The following NR1H4 variants were observed in gnomAD, a reference collection of about 807,000 sequenced individuals.
NR1H4 encodes the protein bile acid receptor.
A neutral mutation model predicts 58.5 loss-of-function variants in NR1H4; 23 were observed. That is an observed-to-expected ratio of 0.39 (90% CI 0.28 to 0.56). The LOEUF (loss-of-function observed/expected upper bound fraction) is 0.56. NR1H4 is among the 20% of genes least tolerant of loss of function. The pLI, the probability that NR1H4 is intolerant of heterozygous loss-of-function variation, is 0.58. For synonymous variants in NR1H4, 214 were observed against 198.0 expected (o/e 1.08, Z -0.68); for missense variants, 487 against 576.9 (o/e 0.84, Z 1.60).
In NR1H4 at chr12:100,510,914, C is replaced by T. The variant is rs1463883415; in HGVS notation, c.216C>T (p.Phe72=). The change falls in exon 4 of 11, where the codon TTC becomes TTT. Residue 72 remains phenylalanine (F), a synonymous_variant. Transcript: ENST00000392986. ...CATCCTATTATTCCAACCTGGGTTT[C>T]TACCCCCAGCAGCCTGAAGAGTGGT... ...SSSSYYSNLG[F]YPQQPEEWYS... 6.2e-7 allele frequency: 1 copy of T among 1,614,086 alleles called. No individual in the cohort carries two copies. Among genetic ancestry groups the T allele is most frequent in the African/African-American group, 1.3e-5 (1 of 74,924 alleles).
In NR1H4 at chr12:100,493,144, A is replaced by G. The variant is rs1953639220; in HGVS notation, c.-54-126A>G. 1.2e-5 allele frequency: 7 copies of G among 606,550 alleles called. No homozygotes were observed. In the South Asian group the frequency reaches 1.4e-4, roughly 12 times the overall value. 37.6% of individuals were successfully genotyped at this position (606,550 alleles called of 1,614,324 possible). On this transcript the variant is annotated intron_variant, in intron 2 of 10. Transcript: ENST00000392986. ...GAGAAAAGATACATACAGAAAGGCT[A>G]TAGTAAAATGCATTCAAAGGGAGCC...
Position 100,495,232 on chromosome 12 carries a change from AAGCTGCATG to A in NR1H4, c.79+1838_79+1846del, listed in dbSNP as rs541461221. Among the ~76,000 whole-genome samples the A allele has an allele frequency of 5.3e-5, 8 of 152,312 alleles. No homozygotes were observed. In the South Asian group the frequency reaches 8.3e-4, roughly 16 times the overall value. On this transcript the variant is annotated intron_variant, in intron 3 of 10. Transcript: ENST00000392986. ...TAAGGTTTCTGAGAATATATAGCAC[AAGCTGCATG>A]AGCTGCAATGCAGAGCTGTAATTCT...
intron 4 of NR1H4, among the ~76,000 whole-genome samples, chr12:100,525,633 G>T (rs941770351): frequency 6.6e-6 from 1 of 152,088 alleles, no homozygotes; most frequent in Non-Finnish European, 1.5e-5. Context: ...TTGGTATTAG[G>T]GTAATGCTGG....
At chr12:100,561,781 A>C (rs1593144562) in intron 9 of NR1H4, 104 bp from the exon 10 acceptor site, 1 of 686,852 alleles carries the variant, frequency 1.5e-6, no homozygotes, top group African/African-American at 1.8e-5. Flanking sequence ...GAATGTGTGC[A>C]TATAGTTGCA....
intron 4 of NR1H4, among the ~76,000 whole-genome samples, chr12:100,520,617 C>A (rs1453520354): frequency 6.6e-6 from 1 of 152,182 alleles, no homozygotes; most frequent in Non-Finnish European, 1.5e-5. Flanking sequence ...TCTGCACCTG[C>A]AAACAATGAA....
intron 1 of NR1H4, among the ~76,000 whole-genome samples, chr12:100,489,460 G>A (rs547948248): frequency 1.3e-5 from 2 of 152,288 alleles, no homozygotes; most frequent in African/African-American, 4.8e-5. Context: ...GGCTGTGGCT[G>A]AGTACCATTA....
intron 9 of NR1H4, among the ~76,000 whole-genome samples, chr12:100,551,029 T>C (rs944997962): frequency 6.6e-6 from 1 of 152,086 alleles, no homozygotes; most frequent in Non-Finnish European, 1.5e-5. Context: ...GCGAGGAAAT[T>C]AAGGTGGGTA....
chr12:100,525,038 C>T (rs997008727), intron 4 of NR1H4: 3 of 152,084 alleles, frequency 2.0e-5, no homozygotes, highest in Non-Finnish European at 2.9e-5. Context: ...ATTTTGGAGA[C>T]GATGCTTTTA....
At chr12:100,519,479 C>T (rs1954356911) in intron 4 of NR1H4, among the ~76,000 whole-genome samples, 1 of 151,954 alleles carries the variant, frequency 6.6e-6, no homozygotes, top group Non-Finnish European at 1.5e-5. Context: ...TCTGTGACAC[C>T]ATCCTGGGGT....
intron 9 of NR1H4, among the ~76,000 whole-genome samples, chr12:100,553,373 C>T (rs765875124): frequency 2.0e-5 from 3 of 152,274 alleles, no homozygotes; most frequent in South Asian, 2.1e-4. Context: ...TGATAAGTTG[C>T]AATAGAACTG....
At chr12:100,477,045 A>G (rs906100447) in intron 1 of NR1H4, among the ~76,000 whole-genome samples, 2 of 152,178 alleles carry the variant, frequency 1.3e-5, no homozygotes, top group Non-Finnish European at 2.9e-5. Flanking sequence ...TCATTATTAC[A>G]TACAAATATT....
At chr12:100,487,512 G>GA (rs1345311065) in intron 1 of NR1H4, among the ~76,000 whole-genome samples, 1 of 151,750 alleles carries the variant, frequency 6.6e-6, no homozygotes, top group Non-Finnish European at 1.5e-5. Flanking sequence ...GGGAATGGGG[G>GA]AGTCAGGGGG....
intron 9 of NR1H4, among the ~76,000 whole-genome samples, chr12:100,554,105 C>T (rs1324028212): frequency 2.6e-5 from 4 of 152,278 alleles, no homozygotes; most frequent in East Asian, 3.9e-4. Context: ...TTAGATGAAT[C>T]GGTGTTATTA....
chr12:100,545,260 CTTCCACTGTGG>C (rs1416045423), intron 9 of NR1H4, among the ~76,000 whole-genome samples: 1 of 151,958 alleles, frequency 6.6e-6, no homozygotes, highest in East Asian at 1.9e-4. Flanking sequence ...GGGAAAATCC[CTTCCACTGTGG>C]TTCAGCTAAA....
chr12:100,513,828 G>GGAAA (rs1461434790), intron 4 of NR1H4, among the ~76,000 whole-genome samples: 5 of 139,968 alleles, frequency 3.6e-5, no homozygotes, highest in Non-Finnish European at 6.2e-5. Context: ...AAGGAAGGAA[G>GGAAA]GAAGGAAGGA....
At chr12:100,533,890 C>CTTTTTTTTTTTTTTTTTTT (rs758465149) in intron 5 of NR1H4, among the ~76,000 whole-genome samples, 1 of 143,398 alleles carries the variant, frequency 7.0e-6, no homozygotes, top group Non-Finnish European at 1.5e-5. Flanking sequence ...TAATAGCTCT[C>CTTTTTTTTTTTTTTTTTTT]TTTTTTTTTT....
chr12:100,539,109 A>G, intron 8 of NR1H4, among the ~76,000 whole-genome samples: 1 of 152,240 alleles, frequency 6.6e-6, no homozygotes, highest in South Asian at 2.1e-4. Context: ...TGAAAGCAAT[A>G]GCAATATCTT....
At chr12:100,556,156 A>T (rs1047591666) in intron 9 of NR1H4, among the ~76,000 whole-genome samples, 2 of 152,168 alleles carry the variant, frequency 1.3e-5, no homozygotes, top group African/African-American at 2.4e-5. Flanking sequence ...AATCCAAAAA[A>T]ATTAAATAAA....
At chr12:100,505,809 C>T in intron 3 of NR1H4, 1 of 489,356 alleles carries the variant, frequency 2.0e-6, no homozygotes, top group South Asian at 3.3e-5. Flanking sequence ...AGTCGAACTA[C>T]CTCTACTCCC....
Sources: gnomAD v4.1 joint callset for allele counts (sites outside exome capture counted in the v4.1 genomes callset) on GRCh38, gnomAD v4.1.1 for gene constraint, MANE v1.5 for transcripts, NCBI Gene and HGNC (gene_info 2026-07-23, HGNC 2026-07-21) for gene names.